EXOC4: variants seen among roughly 807,000 people sequenced by gnomAD.
EXOC4 encodes exocyst complex component 4.
EXOC4 carries 71 observed loss-of-function variants against 107.2 expected under a neutral mutation model. That is an observed-to-expected ratio of 0.66 (90% CI 0.55 to 0.81). The LOEUF is 0.81. EXOC4 is among the 30% of genes least tolerant of loss of function. The pLI, the probability that EXOC4 is intolerant of heterozygous loss-of-function variation, is 0.00. For missense variants in EXOC4, 1,108 were observed against 1,189.6 expected, an observed-to-expected ratio of 0.93 and a Z score of 1.01; for synonymous variants, 456 against 441.2, an observed-to-expected ratio of 1.03 and a Z score of -0.42.
intron 7 of EXOC4, among the ~76,000 whole-genome samples, chr7:133,417,180 A>C (rs1797497067): frequency 6.6e-6 from 1 of 152,204 alleles, no homozygotes; most frequent in Admixed American, 6.5e-5. Context: ...TTGTTTGAAC[A>C]GTTCTTTTAT....
chr7:133,897,852 C>A (rs561490498), intron 12 of EXOC4, among the ~76,000 whole-genome samples: 45 of 152,208 alleles, frequency 3.0e-4, no homozygotes, highest in East Asian at 1.3e-3. Flanking sequence ...TGTCTTTGTG[C>A]TGCAGACATT....
intron 10 of EXOC4, among the ~76,000 whole-genome samples, chr7:133,814,176 G>GT (rs1380564893): frequency 6.6e-6 from 1 of 151,840 alleles, no homozygotes; most frequent in Non-Finnish European, 1.5e-5. Flanking sequence ...GTACTTAGTC[G>GT]TTTTTTTGAG....
intron 10 of EXOC4, among the ~76,000 whole-genome samples, chr7:133,802,702 C>T (rs1796973997): frequency 6.6e-6 from 1 of 151,912 alleles, no homozygotes; most frequent in South Asian, 2.1e-4. Flanking sequence ...AAAAAATTAG[C>T]CAGATGTGGT....
chr7:134,027,279 G>A (rs188074722), intron 17 of EXOC4, among the ~76,000 whole-genome samples: 24 of 152,200 alleles, frequency 1.6e-4, no homozygotes, highest in South Asian at 4.2e-4. Context: ...AAACAGAAGC[G>A]AAATATTCCC....
intron 2 of EXOC4, among the ~76,000 whole-genome samples, chr7:133,276,768 A>G (rs1262128610): frequency 6.6e-6 from 1 of 152,198 alleles, no homozygotes; most frequent in Non-Finnish European, 1.5e-5. Flanking sequence ...ACAGCTGTGC[A>G]TATGGCATCT....
intron 9 of EXOC4, among the ~76,000 whole-genome samples, chr7:133,541,728 A>C (rs1387869908): frequency 1.3e-5 from 2 of 151,680 alleles, no homozygotes; most frequent in Non-Finnish European, 2.9e-5. Context: ...CTGGTCTTCA[A>C]CTCCTGGGCT....
At chr7:133,584,302 C>G (rs1801345423) in intron 9 of EXOC4, among the ~76,000 whole-genome samples, 1 of 151,986 alleles carries the variant, frequency 6.6e-6, no homozygotes, top group Non-Finnish European at 1.5e-5. Context: ...CTTGGGGACC[C>G]CTGCAGGTGA....
intron 10 of EXOC4, among the ~76,000 whole-genome samples, chr7:133,798,214 G>A (rs887332510): frequency 2.6e-5 from 4 of 151,746 alleles, no homozygotes; most frequent in African/African-American, 9.7e-5. Flanking sequence ...TGTAAGTTAG[G>A]GAATACTGAA....
intron 5 of EXOC4, among the ~76,000 whole-genome samples, chr7:133,352,560 G>A (rs1433923420): frequency 6.6e-6 from 1 of 151,940 alleles, no homozygotes; most frequent in Non-Finnish European, 1.5e-5. Context: ...TTTGTAGACA[G>A]CATATAATTG....
At chr7:133,639,775 G>A (rs1802806264) in intron 10 of EXOC4, among the ~76,000 whole-genome samples, 1 of 151,980 alleles carries the variant, frequency 6.6e-6, no homozygotes, top group South Asian at 2.1e-4. Context: ...TATTAGTTGT[G>A]AAAGAATAGT....
chr7:133,882,372 A>G (rs1399686917), intron 11 of EXOC4, among the ~76,000 whole-genome samples: 4 of 152,184 alleles, frequency 2.6e-5, no homozygotes. Context: ...GCCTTCTGAT[A>G]GGTGATGAAT....
At chr7:133,385,681 G>A (rs1032745145) in intron 7 of EXOC4, among the ~76,000 whole-genome samples, 1 of 152,164 alleles carries the variant, frequency 6.6e-6, no homozygotes, top group African/African-American at 2.4e-5. Flanking sequence ...CCATTTTAGA[G>A]ATGGAGAAAC....
intron 10 of EXOC4, among the ~76,000 whole-genome samples, chr7:133,746,130 G>A (rs1234579933): frequency 6.6e-6 from 1 of 151,974 alleles, no homozygotes; most frequent in East Asian, 1.9e-4. Flanking sequence ...CACTTGTTTT[G>A]TTTTGTTTTT....
chr7:134,065,520 C>G lies in EXOC4; in HGVS notation c.*992C>G, dbSNP rs1253118905. The G allele has an allele frequency of 6.6e-6, 1 of 152,296 alleles. No individual in the cohort carries two copies. The highest frequency in any genetic ancestry group is 1.5e-5 in the Non-Finnish European group (1 of 68,180). The allele number at this position is 152,296 out of a possible 1,614,324, so 9.4% of individuals were successfully genotyped here. On this transcript the variant is annotated 3_prime_UTR_variant, in exon 18 of 18. Transcript: ENST00000253861. ...TTACCATGTTCCTGGCACACTGGAC[C>G]TCACCATGTCCCCCGGTCACCAGTC... is the stretch of plus-strand genomic sequence containing the variant.
At chr7:133,308,270 A>G (rs1480415018) in intron 4 of EXOC4, among the ~76,000 whole-genome samples, 1 of 152,182 alleles carries the variant, frequency 6.6e-6, no homozygotes, top group Non-Finnish European at 1.5e-5. Context: ...CATATATTGA[A>G]ACCCTAATCC....
intron 10 of EXOC4, among the ~76,000 whole-genome samples, chr7:133,696,317 A>T (rs75604215): frequency 1.3e-5 from 2 of 152,298 alleles, no homozygotes; most frequent in Non-Finnish European, 2.9e-5. Flanking sequence ...ACACCAACCA[A>T]CTGACCACTG....
intron 6 of EXOC4, among the ~76,000 whole-genome samples, chr7:133,372,314 A>C (rs917448293): frequency 3.3e-5 from 5 of 152,162 alleles, no homozygotes; most frequent in African/African-American, 1.2e-4. Flanking sequence ...TGGAGGTCTC[A>C]AAAAAGGTAG....
intron 10 of EXOC4, among the ~76,000 whole-genome samples, chr7:133,776,711 A>G (rs1467426416): frequency 6.6e-6 from 1 of 152,236 alleles, no homozygotes; most frequent in Non-Finnish European, 1.5e-5. Context: ...CATTTGGCTT[A>G]GAGTAAGCCT....
intron 9 of EXOC4, among the ~76,000 whole-genome samples, chr7:133,622,402 T>C (rs1477399971): frequency 6.6e-6 from 1 of 152,168 alleles, no homozygotes; most frequent in Non-Finnish European, 1.5e-5. Context: ...GTTCCTCCCT[T>C]CATGTTTTTG....
Sources: gnomAD v4.1 joint callset for allele counts (sites outside exome capture counted in the v4.1 genomes callset) on GRCh38, gnomAD v4.1.1 for gene constraint, MANE v1.5 for transcripts, NCBI Gene and HGNC (gene_info 2026-07-23, HGNC 2026-07-21) for gene names.